The following SLC5A4 variants were observed in gnomAD, a reference collection of about 807,000 sequenced individuals.
The protein encoded by SLC5A4 is solute carrier family 5 member 4.
SLC5A4 carries 55 observed loss-of-function variants against 70.3 expected under a neutral mutation model. The observed-to-expected ratio is 0.78, with a 90% CI of 0.63 to 0.98. SLC5A4 has a LOEUF of 0.98. Among genes scored for constraint, SLC5A4 ranks in the 50% least tolerant of loss-of-function variants. The pLI is 0.00. For synonymous variants in SLC5A4, 268 were observed against 305.7 expected (o/e 0.88, Z 1.29); for missense variants, 735 against 839.2 (o/e 0.88, Z 1.53).
the SLC5A4 span, among the ~76,000 whole-genome samples, chr22:32,307,201 G>A: frequency 1.3e-5 from 2 of 152,188 alleles, no homozygotes; most frequent in African/African-American, 4.8e-5. Flanking sequence ...CTGGATTTCA[G>A]TCTGTTAAGG....
the SLC5A4 span, among the ~76,000 whole-genome samples, chr22:32,334,648 A>C: frequency 6.6e-6 from 1 of 152,126 alleles, no homozygotes; most frequent in African/African-American, 2.4e-5. Context: ...TCCCATCTCG[A>C]CAACCCTGCA....
chr22:32,256,809 C>T (rs1927511736), upstream of SLC5A4, among the ~76,000 whole-genome samples: 1 of 152,154 alleles, frequency 6.6e-6, no homozygotes, highest in South Asian at 2.1e-4. Context: ...TTTGTTTATC[C>T]ATTCAACTGT....
At chr22:32,247,592 G>T in intron 4 of SLC5A4, 77 bp from the exon 5 acceptor site, 1 of 921,776 alleles carries the variant, frequency 1.1e-6, no homozygotes, top group Non-Finnish European at 1.8e-6. Flanking sequence ...CATTTCCTAA[G>T]CACCTGTGAG....
chr22:32,299,167 C>T, the SLC5A4 span, among the ~76,000 whole-genome samples: 1 of 74,116 alleles, frequency 1.3e-5, no homozygotes, highest in Non-Finnish European at 2.7e-5. Flanking sequence ...ATCTTTGTGG[C>T]GTTCTCTGTA....
chr22:32,309,422 A>G, the SLC5A4 span, among the ~76,000 whole-genome samples: 1 of 152,182 alleles, frequency 6.6e-6, no homozygotes. Flanking sequence ...AGAAGCTCAC[A>G]GCAAAAAGTA....
At chr22:32,224,242 C>G (rs370837896) in intron 13 of SLC5A4, 25 bp downstream of exon 13, 3 of 1,539,806 alleles carry the variant, frequency 1.9e-6, no homozygotes, top group Non-Finnish European at 2.7e-6. Flanking sequence ...TTAAAATTAG[C>G]ATGTATTCAT....
the SLC5A4 span, among the ~76,000 whole-genome samples, chr22:32,347,710 T>TG: frequency 4.2e-4 from 16 of 38,198 alleles, no homozygotes; most frequent in African/African-American, 1.8e-3. Context: ...TGTTGTGGGG[T>TG]GGGGGGAGGG....
the SLC5A4 span, among the ~76,000 whole-genome samples, chr22:32,342,022 C>T: frequency 2.0e-5 from 3 of 152,136 alleles, no homozygotes; most frequent in African/African-American, 7.2e-5. Flanking sequence ...CCAGGCAGAC[C>T]GTAAGCTCTG....
chr22:32,304,091 TTCTTTGG>T, the SLC5A4 span, among the ~76,000 whole-genome samples: 1 of 152,228 alleles, frequency 6.6e-6, no homozygotes, highest in Admixed American at 6.5e-5. Context: ...CCTGTGTATC[TTCTTTGG>T]TCTTTGGCTC....
the SLC5A4 span, among the ~76,000 whole-genome samples, chr22:32,266,590 G>A: frequency 1.3e-5 from 2 of 152,172 alleles, no homozygotes; most frequent in Non-Finnish European, 2.9e-5. Context: ...CTGGCCACGG[G>A]CAATGTTCTT....
the SLC5A4 span, among the ~76,000 whole-genome samples, chr22:32,302,258 T>TG: frequency 3.6e-3 from 403 of 113,180 alleles, 2 homozygotes; most frequent in East Asian, 0.021. Flanking sequence ...GTGTTTTTTT[T>TG]TTTTGTGTCT....
chr22:32,306,161 T>G, the SLC5A4 span, among the ~76,000 whole-genome samples: 1 of 152,134 alleles, frequency 6.6e-6, no homozygotes, highest in African/African-American at 2.4e-5. Flanking sequence ...CTAGGGACAT[T>G]GTTATAAAAA....
the SLC5A4 span, among the ~76,000 whole-genome samples, chr22:32,336,205 T>C: frequency 6.6e-6 from 1 of 152,140 alleles, no homozygotes; most frequent in Non-Finnish European, 1.5e-5. Context: ...CTCCTCTCTG[T>C]AGGATCTCGC....
intron 13 of SLC5A4, among the ~76,000 whole-genome samples, chr22:32,222,182 AC>A (rs141790810): frequency 0.087 from 13,256 of 152,260 alleles, 716 homozygotes; most frequent in African/African-American, 0.15. Context: ...TCTTGATGTA[AC>A]ATATGCCTTT....
the SLC5A4 span, among the ~76,000 whole-genome samples, chr22:32,292,045 T>A: frequency 0.48 from 66,537 of 137,796 alleles, 16,356 homozygotes; most frequent in Admixed American, 0.52. Flanking sequence ...GCTATTTTTT[T>A]ATATTTTTAG....
intron 10 of SLC5A4, 64 bp from the exon 11 acceptor site, chr22:32,229,408 G>A: frequency 6.5e-7 from 1 of 1,549,322 alleles, no homozygotes; most frequent in Admixed American, 1.8e-5. Context: ...AAACCAGAGA[G>A]GGTTGAAAGG....
chr22:32,285,675 T>C, the SLC5A4 span, among the ~76,000 whole-genome samples: 3 of 151,548 alleles, frequency 2.0e-5, no homozygotes, highest in Non-Finnish European at 4.4e-5. Flanking sequence ...TATTGTTCTA[T>C]TTAAGCCTTT....
chr22:32,271,886 G>T, the SLC5A4 span: 2 of 591,716 alleles, frequency 3.4e-6, no homozygotes, highest in East Asian at 4.3e-5. Flanking sequence ...TTACCATGTG[G>T]AGTCCAAGAT....
chr22:32,331,647 AG>A, the SLC5A4 span, among the ~76,000 whole-genome samples: 2 of 152,120 alleles, frequency 1.3e-5, no homozygotes, highest in Non-Finnish European at 2.9e-5. Context: ...TCTGGCAGAC[AG>A]GACAGTGCCT....
Sources: allele counts gnomAD v4.1 joint callset (sites outside exome capture counted in the v4.1 genomes callset), GRCh38; gene constraint gnomAD v4.1.1; transcripts MANE v1.5; gene names NCBI Gene and HGNC (gene_info 2026-07-23, HGNC 2026-07-21).